Variants in MLLT1 observed in about 807,000 individuals in gnomAD.
The protein encoded by MLLT1 is MLLT1 super elongation complex subunit, also known as protein ENL.
Under a neutral mutation model 55.1 loss-of-function variants are expected in MLLT1, and 11 were observed. The observed-to-expected ratio is 0.20, with a 90% confidence interval of 0.13 to 0.33. The LOEUF (loss-of-function observed/expected upper bound fraction) is 0.33. Among genes scored for constraint, MLLT1 ranks in the 10% least tolerant of loss-of-function variants. The pLI is 1.00. For missense variants in MLLT1, 536 were observed against 760.6 expected (o/e 0.70, Z 3.47); for synonymous variants, 323 against 320.1 (o/e 1.01, Z -0.10).
chr19:6,220,079 G>A (rs902458262), intron 6 of MLLT1, among the ~76,000 whole-genome samples: 3 of 152,248 alleles, frequency 2.0e-5, no homozygotes, highest in Non-Finnish European at 4.4e-5. Context: ...GCTGGAGGAC[G>A]TGGGAGCTCG....
At position 6,212,072 on chromosome 19, in the gene MLLT1, CAA is replaced by C. The variant is rs1292859012; in HGVS notation, c.*968_*969del. 21 of 1,065,938 alleles carry C rather than the reference CAA, an allele frequency of 2.0e-5. No homozygotes were observed. The highest frequency in any genetic ancestry group is 2.4e-5 in the Non-Finnish European group (21 of 879,476). The allele number at this position is 1,065,938 out of a possible 1,614,324, so 66.0% of individuals were successfully genotyped here. A position where few individuals can be genotyped will look rare whatever the true frequency, so the allele number is the denominator to read the frequency against. ...ATTTGGCAAAAGCTCATATTTTTTT[CAA>C]AGTTTGAAGACTTGAATGAAAGAGA... On this transcript the variant is annotated 3_prime_UTR_variant, in exon 12 of 12. Coordinates refer to ENST00000252674, the MANE Select transcript of MLLT1 (RefSeq NM_005934.4).
chr19:6,279,560 C>G (rs1397773586), intron 1 of MLLT1, among the ~76,000 whole-genome samples: 1 of 151,714 alleles, frequency 6.6e-6, no homozygotes. Context: ...CGGGCCCGGC[C>G]CGGGTCCCGA....
chr19:6,277,823 G>T (rs897864922), intron 1 of MLLT1, among the ~76,000 whole-genome samples: 1 of 152,202 alleles, frequency 6.6e-6, no homozygotes, highest in African/African-American at 2.4e-5. Context: ...GACACTAAAG[G>T]TATATTTCAT....
rs1541921 is a variant in MLLT1 at position 6,240,040 on chromosome 19, T to G, written c.277-9327A>C. ...GAAGCGGCTCAGCACTGGCTCACTGTGTGACCCTGGACGGGCTGCTGCACC... is the reference window on the plus strand; with the variant it reads ...GAAGCGGCTCAGCACTGGCTCACTGGGTGACCCTGGACGGGCTGCTGCACC... On this transcript the variant is annotated intron_variant, in intron 3 of 11. Transcript: ENST00000252674. The surrounding 1 kb of genome is among the most constrained non-coding windows in gnomAD (Gnocchi z 4.7). Among the ~76,000 whole-genome samples the G allele has an allele frequency of 6.6e-6, 1 of 151,920 alleles. No homozygotes were observed. Among genetic ancestry groups the G allele is most frequent in the Non-Finnish European group, 1.5e-5 (1 of 67,968 alleles).
chr19:6,274,473 G>C (rs760126326), intron 1 of MLLT1, among the ~76,000 whole-genome samples: 1 of 152,188 alleles, frequency 6.6e-6, no homozygotes, highest in Non-Finnish European at 1.5e-5. Context: ...AGGGTGCCTG[G>C]CTGCAGAGGT....
intron 2 of MLLT1, among the ~76,000 whole-genome samples, chr19:6,266,319 G>T (rs552661336): frequency 2.3e-4 from 35 of 149,874 alleles, no homozygotes; most frequent in African/African-American, 3.2e-4. Flanking sequence ...CGGATTTTCA[G>T]CTTAGGGATT....
intron 2 of MLLT1, among the ~76,000 whole-genome samples, chr19:6,269,843 C>A (rs766388164): frequency 2.6e-5 from 4 of 152,228 alleles, no homozygotes; most frequent in African/African-American, 7.2e-5. Context: ...ATTTATCGAA[C>A]CCCTGTGATG....
chr19:6,270,990 C>T lies in MLLT1; in HGVS notation c.13-231G>A, dbSNP rs981895395. ...CCCCGTGTCTCCTCTCATCCACCGC[C>T]TCATCCTCAATTCCACCCGCACAGC... On this transcript the variant is annotated intron_variant, in intron 1 of 11. Transcript: ENST00000252674. The surrounding 1 kb of genome is among the most constrained non-coding windows in gnomAD (Gnocchi z 7.1). Among the ~76,000 whole-genome samples, 1 of 152,156 alleles carries T rather than the reference C, an allele frequency of 6.6e-6. No individual in the cohort carries two copies. The highest frequency in any genetic ancestry group is 6.5e-5 in the Admixed American group (1 of 15,280).
In MLLT1 at chr19:6,210,996, C is replaced by CG. The variant is rs2090762634; in HGVS notation, c.*2045dup. 3 of 231,250 alleles carry CG rather than the reference C, an allele frequency of 1.3e-5. No individual in the cohort carries two copies. The highest frequency in any genetic ancestry group is 2.6e-5 in the Non-Finnish European group (3 of 116,818). 14.3% of individuals were successfully genotyped at this position (231,250 alleles called of 1,614,324 possible). On this transcript the variant is annotated 3_prime_UTR_variant, in exon 12 of 12. Transcript: ENST00000252674. This position sits in a 1 kb window ranked among gnomAD's most constrained non-coding sequence, Gnocchi z 4.6. ...GCCAGACGCCACCACCGAGAGCAGG[C>CG]GGGGGAGCCCGACCCTCCTCTGGCT...
chr19:6,270,787 A>G lies in MLLT1; in HGVS notation c.13-28T>C, dbSNP rs1243110534. 6.3e-7 allele frequency: 1 copy of G among 1,578,696 alleles called. No individual in the cohort carries two copies. ...GGAGGAGAGAGAGGTGGGGAGATGA[A>G]GTCAGCACACGCCTCCAAGCAGGGG... On this transcript the variant is annotated intron_variant, in intron 1 of 11. Transcript: ENST00000252674. The surrounding 1 kb of genome is among the most constrained non-coding windows in gnomAD (Gnocchi z 7.1).
intron 3 of MLLT1, among the ~76,000 whole-genome samples, chr19:6,260,788 G>A (rs974609515): frequency 6.6e-6 from 1 of 152,232 alleles, no homozygotes; most frequent in Non-Finnish European, 1.5e-5. Flanking sequence ...TGAGGATACA[G>A]TGAGCTATGA....
At chr19:6,246,775 T>A (rs1481619575) in intron 3 of MLLT1, among the ~76,000 whole-genome samples, 2 of 152,072 alleles carry the variant, frequency 1.3e-5, no homozygotes. Flanking sequence ...AATAACCGGA[T>A]GGGCAGAGGG....
In MLLT1 at chr19:6,235,330, GC is replaced by G. The variant is rs1246617747; in HGVS notation, c.277-4618del. Among the ~76,000 whole-genome samples the G allele has an allele frequency of 6.6e-6, 1 of 152,178 alleles. No homozygotes were observed. The highest frequency in any genetic ancestry group is 1.5e-5 in the Non-Finnish European group (1 of 68,022). On this transcript the variant is annotated intron_variant, in intron 3 of 11. Coordinates refer to ENST00000252674, the MANE Select transcript of MLLT1 (RefSeq NM_005934.4). The surrounding 1 kb of genome is among the most constrained non-coding windows in gnomAD (Gnocchi z 5.5). ...CCTGAGGGACACCAGCAGGAGCCTG[GC>G]CACGGTCCTGCCTCCTAGGCCTCAG...
rs920566585 is a variant in MLLT1 at position 6,219,395 on chromosome 19, C to T, written c.1111-1354G>A. ...TGAGTCCCGGACACATACCCCAGAGCGTCCAGGACCCCTGGCTGGGCCTGC... is the reference window on the plus strand; with the variant it reads ...TGAGTCCCGGACACATACCCCAGAGTGTCCAGGACCCCTGGCTGGGCCTGC... On this transcript the variant is annotated intron_variant, in intron 6 of 11. Coordinates refer to ENST00000252674, the MANE Select transcript of MLLT1 (RefSeq NM_005934.4). This position sits in a 1 kb window ranked among gnomAD's most constrained non-coding sequence, Gnocchi z 4.5. 8.5e-5 allele frequency among the ~76,000 whole-genome samples: 13 copies of T among 152,180 alleles called. 1 individual carries two copies. Among genetic ancestry groups the T allele is most frequent in the African/African-American group, 2.4e-4 (10 of 41,446 alleles).
intron 2 of MLLT1, among the ~76,000 whole-genome samples, chr19:6,265,038 C>CAAAAAAAAAAA (rs928827048): frequency 1.6e-3 from 33 of 21,154 alleles, no homozygotes; most frequent in South Asian, 8.8e-3. Context: ...TAGTGAACAG[C>CAAAAAAAAAAA]AAAAAAAAAA....
At chr19:6,264,756 G>A (rs1409759727) in intron 2 of MLLT1, among the ~76,000 whole-genome samples, 4 of 151,520 alleles carry the variant, frequency 2.6e-5, no homozygotes, top group African/African-American at 7.3e-5. Flanking sequence ...TTAGCCAGGC[G>A]TGGTGGTGCG....
chr19:6,232,249 CA>C (rs1467557618), intron 3 of MLLT1, among the ~76,000 whole-genome samples: 9 of 152,220 alleles, frequency 5.9e-5, no homozygotes, highest in African/African-American at 2.2e-4. Flanking sequence ...AACAAACAAA[CA>C]AACAAACAAG....
intron 3 of MLLT1, among the ~76,000 whole-genome samples, chr19:6,238,795 C>T (rs1158866961): frequency 6.6e-6 from 1 of 151,822 alleles, no homozygotes; most frequent in African/African-American, 2.4e-5. Context: ...GCAGCAAACG[C>T]CTTCTCCACC....
Position 6,213,716 on chromosome 19 carries a change from G to A in MLLT1, c.1479+10C>T. On this transcript the variant is annotated intron_variant, in intron 10 of 11. Transcript: ENST00000252674. ...GTAGCCTCCCCGCCTTGTCGTAGGTGCCCCCCCACCTTGTCGTAGGTGCCC... is the reference window on the plus strand; with the variant it reads ...GTAGCCTCCCCGCCTTGTCGTAGGTACCCCCCCACCTTGTCGTAGGTGCCC... 2 of 1,580,962 alleles carry A rather than the reference G, an allele frequency of 1.3e-6. No homozygotes were observed. Among genetic ancestry groups the A allele is most frequent in the Non-Finnish European group, 8.7e-7 (1 of 1,152,814 alleles).
Sources: gnomAD v4.1 joint callset for allele counts (sites outside exome capture counted in the v4.1 genomes callset) on GRCh38, gnomAD v4.1.1 for gene constraint, Gnocchi (gnomAD v3.1) non-coding constraint, MANE v1.5 for transcripts, NCBI Gene and HGNC (gene_info 2026-07-23, HGNC 2026-07-21) for gene names.